ITPR1: variants seen among roughly 807,000 people sequenced by gnomAD.
ITPR1 encodes the protein inositol 1,4,5-trisphosphate receptor type 1, also known as inositol 1,4,5-trisphosphate-gated calcium channel ITPR1.
In ITPR1, 96 loss-of-function variants were observed where a neutral mutation model predicts 318.4. The observed-to-expected ratio is 0.30, with a 90% CI of 0.26 to 0.36. ITPR1 has a LOEUF of 0.36. ITPR1 is among the 10% of genes least tolerant of loss of function. The probability of loss-of-function intolerance (pLI) is 1.00; values close to 1 mark genes in which losing one functional copy is unlikely to be tolerated. For missense variants in ITPR1, 2,440 were observed against 3,460.2 expected (o/e 0.71, Z 7.40); for synonymous variants, 1,312 against 1,289.9 (o/e 1.02, Z -0.37).
chr3:4,724,638 C>T (rs1285046476), intron 40 of ITPR1, among the ~76,000 whole-genome samples: 3 of 152,186 alleles, frequency 2.0e-5, no homozygotes, highest in Non-Finnish European at 2.9e-5. Flanking sequence ...TTCCATCTGA[C>T]ATCTCTTCTC....
intron 44 of ITPR1, among the ~76,000 whole-genome samples, chr3:4,755,123 A>G (rs11706308): frequency 0.42 from 64,189 of 151,364 alleles, 16,010 homozygotes; most frequent in Non-Finnish European, 0.57. Flanking sequence ...AGTGGTTGCC[A>G]GTAGCCTGCC....
At position 4,683,560 on chromosome 3, in the gene ITPR1, G is replaced by A; in HGVS notation, c.3327+9G>A. On this transcript the variant is annotated intron_variant, in intron 27 of 61. Transcript: ENST00000649015. ...TCCAGGCCTTCAAACAGGTAGCTCA[G>A]GTCACCCACGTGTGTGTTGTCTGTC... The A allele has an allele frequency of 1.2e-6, 2 of 1,613,732 alleles. No individual in the cohort carries two copies. Among genetic ancestry groups the A allele is most frequent in the Non-Finnish European group, 1.7e-6 (2 of 1,179,614 alleles).
intron 4 of ITPR1, among the ~76,000 whole-genome samples, chr3:4,589,704 A>G (rs964259558): frequency 2.6e-5 from 4 of 152,108 alleles, no homozygotes; most frequent in Non-Finnish European, 4.4e-5. Flanking sequence ...CTCATGTGGA[A>G]CAGAATCAAG....
chr3:4,768,628 A>G lies in ITPR1; in HGVS notation c.5843A>G (p.Tyr1948Cys). Residue 1948 changes from tyrosine (Y) to cysteine (C), a missense_variant, in exon 46 of 62, where the codon TAC (tyrosine) becomes TGC (cysteine). Transcript: ENST00000649015. ...AGGGAGGCTGATCCCGACGACCACT[A>G]CCAGCCTGGAGAGGGCACCCAGGCC... ...FRREADPDDHYQPGEGTQATA... is the reference protein window; with the variant it reads ...FRREADPDDHCQPGEGTQATA... 6 of 1,614,026 alleles carry G rather than the reference A, an allele frequency of 3.7e-6. No individual in the cohort carries two copies. Among genetic ancestry groups the G allele is most frequent in the Non-Finnish European group, 5.1e-6 (6 of 1,179,894 alleles).
intron 12 of ITPR1, among the ~76,000 whole-genome samples, chr3:4,655,448 G>C (rs1033615618): frequency 2.0e-5 from 3 of 152,152 alleles, no homozygotes; most frequent in Non-Finnish European, 4.4e-5. Context: ...ATGAGCTGCT[G>C]TGTGACCTTG....
chr3:4,795,174 G>A lies in ITPR1; in HGVS notation c.6918G>A (p.Lys2306=). 1.4e-5 allele frequency: 22 copies of A among 1,613,398 alleles called. No homozygotes were observed. The highest frequency in any genetic ancestry group is 1.8e-5 in the Non-Finnish European group (21 of 1,179,678). ...TGGTGGCGTTTTTCTACCCGTTTAA[G>A]GGAGTCCGAGGAGGTACCCATATCT... ...NLLVAFFYPF[K]GVRGGTLEPH... The change falls in exon 53 of 62, where the codon AAG becomes AAA. Residue 2306 remains lysine (K), a synonymous_variant. Coordinates refer to ENST00000649015, the MANE Select transcript of ITPR1 (RefSeq NM_001378452.1).
chr3:4,674,450 C>T (rs1294429520), intron 22 of ITPR1, 107 bp downstream of exon 22: 1 of 939,646 alleles, frequency 1.1e-6, no homozygotes, highest in East Asian at 2.9e-5. Flanking sequence ...GGTCATGATG[C>T]TCTGGTTTTG....
chr3:4,835,576 G>GTGTT (rs2050845406), intron 60 of ITPR1, among the ~76,000 whole-genome samples: 1 of 152,100 alleles, frequency 6.6e-6, no homozygotes, highest in South Asian at 2.1e-4. Context: ...GTGTGTGTGT[G>GTGTT]TGTGGGAGGG....
intron 61 of ITPR1, among the ~76,000 whole-genome samples, chr3:4,843,170 T>C (rs4684445): frequency 0.83 from 124,798 of 150,328 alleles, 52,767 homozygotes; most frequent in South Asian, 0.94. Context: ...CCTTCTCCTT[T>C]AGCAGTCACT....
At chr3:4,654,814 T>C (rs1013414131) in intron 12 of ITPR1, among the ~76,000 whole-genome samples, 1 of 152,258 alleles carries the variant, frequency 6.6e-6, no homozygotes, top group Non-Finnish European at 1.5e-5. Flanking sequence ...TCTGCTGTTA[T>C]GGTTATCCTT....
chr3:4,627,835 G>T lies in ITPR1; in HGVS notation c.236G>T (p.Gly79Val), dbSNP rs374495990. The change falls in exon 5 of 62, where the codon GGG becomes GTG. Residue 79 changes from glycine to valine, a missense_variant. This residue lies in a region of ITPR1 where 186 missense variants were observed against 323.9 expected (regional missense o/e 0.57). Transcript: ENST00000649015. ...CAGTTCTGGAAAGCCGCTAAGCCTG[G>T]GGCCAACAGCACCACAGACGCAGTG... is the stretch of plus-strand genomic sequence containing the variant. Reference protein sequence around the residue: ...QKQFWKAAKPGANSTTDAVLL... With the variant: ...QKQFWKAAKPVANSTTDAVLL... The T allele has an allele frequency of 1.2e-6, 2 of 1,613,584 alleles. No homozygotes were observed. The highest frequency in any genetic ancestry group is 1.7e-6 in the Non-Finnish European group (2 of 1,179,762).
intron 8 of ITPR1, among the ~76,000 whole-genome samples, chr3:4,645,136 G>A (rs1408560006): frequency 2.0e-5 from 3 of 152,152 alleles, no homozygotes; most frequent in Admixed American, 6.6e-5. Context: ...ATTCCAGAAA[G>A]GCAGGAGGCT....
chr3:4,803,156 T>G (rs940617610), intron 54 of ITPR1, among the ~76,000 whole-genome samples: 1 of 152,140 alleles, frequency 6.6e-6, no homozygotes, highest in Non-Finnish European at 1.5e-5. Flanking sequence ...GCTACACGCT[T>G]TTAAACAACC....
intron 35 of ITPR1, among the ~76,000 whole-genome samples, chr3:4,700,365 A>G (rs1287554469): frequency 6.6e-6 from 1 of 152,228 alleles, no homozygotes; most frequent in East Asian, 1.9e-4. Flanking sequence ...CATCTCATAT[A>G]CTACTCTATC....
chr3:4,785,326 T>C (rs2047112708), intron 51 of ITPR1, among the ~76,000 whole-genome samples: 1 of 152,202 alleles, frequency 6.6e-6, no homozygotes, highest in South Asian at 2.1e-4. Context: ...AACACAGACT[T>C]CTCTCTACAG....
rs1198950100 is a variant in ITPR1, at chr3:4,673,316, C to T, written c.2385C>T (p.Pro795=). The T allele has an allele frequency of 6.2e-7, 1 of 1,613,796 alleles. No individual in the cohort carries two copies. Among genetic ancestry groups the T allele is most frequent in the African/African-American group, 1.3e-5 (1 of 74,930 alleles). The change falls in exon 21 of 62, where the codon CCC becomes CCT. Residue 795 remains proline (P), a synonymous_variant. Transcript: ENST00000649015. ...TTCACATGCATGTGGACCGAGATCC[C>T]CAGGAACAAGTCACCCCCGTGAAAT... is the stretch of plus-strand genomic sequence containing the variant. ...LMLHMHVDRD[P]QEQVTPVKYA...
At chr3:4,818,792 A>G (rs1315379090) in intron 60 of ITPR1, among the ~76,000 whole-genome samples, 5 of 152,286 alleles carry the variant, frequency 3.3e-5, no homozygotes, top group African/African-American at 1.2e-4. Flanking sequence ...AAGTGTGGAT[A>G]CTGTGTCCCA....
intron 4 of ITPR1, among the ~76,000 whole-genome samples, chr3:4,522,470 T>C (rs546546399): frequency 6.6e-6 from 1 of 152,304 alleles, no homozygotes; most frequent in East Asian, 1.9e-4. Context: ...TTGAGTTGCA[T>C]CCAGTTGGCG....
chr3:4,628,565 A>G (rs2092914915), intron 5 of ITPR1, among the ~76,000 whole-genome samples: 1 of 152,200 alleles, frequency 6.6e-6, no homozygotes, highest in Non-Finnish European at 1.5e-5. Flanking sequence ...GACATGACGT[A>G]TAGCCAGTGT....
Sources: allele counts gnomAD v4.1 joint callset (sites outside exome capture counted in the v4.1 genomes callset), GRCh38; gene constraint gnomAD v4.1.1; regional missense constraint gnomAD v4.1.1; transcripts MANE v1.5; gene names NCBI Gene and HGNC (gene_info 2026-07-23, HGNC 2026-07-21).